Variants in ATOSA observed in about 807,000 individuals in gnomAD.
The protein encoded by ATOSA is atos homolog A.
At chr15:52,642,584 G>C in the ATOSA span, among the ~76,000 whole-genome samples, 1 of 152,118 alleles carries the variant, frequency 6.6e-6, no homozygotes, top group Non-Finnish European at 1.5e-5. Flanking sequence ...GAGGGTGTTG[G>C]CCAGAGTACA....
chr15:52,641,068 C>A, the ATOSA span, among the ~76,000 whole-genome samples: 1 of 152,146 alleles, frequency 6.6e-6, no homozygotes, highest in Non-Finnish European at 1.5e-5. Context: ...CCATTTACCA[C>A]AAACCTCTTA....
At chr15:52,623,029 T>A in the ATOSA span, among the ~76,000 whole-genome samples, 3 of 151,786 alleles carry the variant, frequency 2.0e-5, no homozygotes, top group African/African-American at 4.8e-5. Context: ...GTGTGTAACA[T>A]GTGCCTGTGG....
At chr15:52,589,976 C>T in the ATOSA span, among the ~76,000 whole-genome samples, 2 of 151,918 alleles carry the variant, frequency 1.3e-5, no homozygotes, top group South Asian at 2.1e-4. Context: ...TTAGTAGAGA[C>T]GGGGTTTTAC....
At chr15:52,698,691 A>G in the ATOSA span, among the ~76,000 whole-genome samples, 1 of 152,258 alleles carries the variant, frequency 6.6e-6, no homozygotes, top group African/African-American at 2.4e-5. Context: ...TATAGAAGTC[A>G]GAATAGTGAT....
At chr15:52,612,238 G>A in the ATOSA span, among the ~76,000 whole-genome samples, 11 of 152,032 alleles carry the variant, frequency 7.2e-5, no homozygotes, top group Admixed American at 7.2e-4. Context: ...GCCCACCTTG[G>A]CCTCACAAAG....
chr15:52,670,201 TC>T, the ATOSA span, among the ~76,000 whole-genome samples: 1 of 152,216 alleles, frequency 6.6e-6, no homozygotes, highest in Non-Finnish European at 1.5e-5. Context: ...TCATGCTTGT[TC>T]CAACCAGTTT....
chr15:52,669,993 C>T, the ATOSA span, among the ~76,000 whole-genome samples: 1 of 152,202 alleles, frequency 6.6e-6, no homozygotes, highest in Non-Finnish European at 1.5e-5. Flanking sequence ...TCACTCTCTG[C>T]CCTGATGCTG....
At chr15:52,592,930 T>C in the ATOSA span, among the ~76,000 whole-genome samples, 8 of 152,100 alleles carry the variant, frequency 5.3e-5, no homozygotes, top group Non-Finnish European at 1.2e-4. Context: ...GAGGTCTGCT[T>C]GAGGCCAGGA....
the ATOSA span, chr15:52,582,149 C>T: frequency 1.3e-6 from 2 of 1,566,266 alleles, no homozygotes; most frequent in Non-Finnish European, 1.7e-6. Context: ...AATCATCACT[C>T]CTTATCAACA....
the ATOSA span, among the ~76,000 whole-genome samples, chr15:52,650,051 A>T: frequency 2.0e-5 from 3 of 152,214 alleles, no homozygotes; most frequent in Admixed American, 6.5e-5. Flanking sequence ...TGGGTAGCAA[A>T]TCAATTTAAA....
the ATOSA span, among the ~76,000 whole-genome samples, chr15:52,618,866 A>G: frequency 6.6e-6 from 1 of 151,972 alleles, no homozygotes; most frequent in South Asian, 2.1e-4. Context: ...AAATAATGTA[A>G]CATTGGACTA....
the ATOSA span, among the ~76,000 whole-genome samples, chr15:52,701,933 C>T: frequency 6.6e-6 from 1 of 151,712 alleles, no homozygotes; most frequent in Non-Finnish European, 1.5e-5. Context: ...GACCCCATCT[C>T]AACTAAAAAA....
At chr15:52,615,478 A>G in the ATOSA span, among the ~76,000 whole-genome samples, 2 of 152,206 alleles carry the variant, frequency 1.3e-5, no homozygotes, top group Non-Finnish European at 2.9e-5. Context: ...TCGTATGCAC[A>G]TAGTTCCTAG....
chr15:52,640,718 A>G, the ATOSA span, among the ~76,000 whole-genome samples: 1 of 151,970 alleles, frequency 6.6e-6, no homozygotes, highest in Non-Finnish European at 1.5e-5. Context: ...ATATACTACT[A>G]GATCTGAAAA....
At chr15:52,610,351 T>C in the ATOSA span, 1 of 1,612,184 alleles carries the variant, frequency 6.2e-7, no homozygotes, top group Non-Finnish European at 8.5e-7. Flanking sequence ...CTGTGAAAAA[T>C]TCCACTGTAG....
the ATOSA span, among the ~76,000 whole-genome samples, chr15:52,638,509 C>T: frequency 6.6e-6 from 1 of 151,896 alleles, no homozygotes; most frequent in African/African-American, 2.4e-5. Flanking sequence ...GCCTGGCCAA[C>T]AGAGTGAAAC....
the ATOSA span, among the ~76,000 whole-genome samples, chr15:52,597,474 T>C: frequency 6.6e-6 from 1 of 152,164 alleles, no homozygotes; most frequent in South Asian, 2.1e-4. Context: ...CAACATGGAT[T>C]ATCTTAAAAA....
the ATOSA span, among the ~76,000 whole-genome samples, chr15:52,597,060 ACT>A: frequency 6.6e-6 from 1 of 152,182 alleles, no homozygotes; most frequent in Non-Finnish European, 1.5e-5. Context: ...AAGAACTAGA[ACT>A]CTCATACGAT....
chr15:52,586,165 A>G, the ATOSA span: 1 of 151,944 alleles, frequency 6.6e-6, no homozygotes, highest in African/African-American at 2.4e-5. Flanking sequence ...GAACACTGTC[A>G]CTCCTTTACT....
Sources: allele counts gnomAD v4.1 joint callset (sites outside exome capture counted in the v4.1 genomes callset), GRCh38; gene constraint gnomAD v4.1.1; transcripts MANE v1.5; gene names NCBI Gene and HGNC (gene_info 2026-07-23, HGNC 2026-07-21).